MYO3A: variants seen among roughly 807,000 people sequenced by gnomAD.
MYO3A encodes myosin IIIA.
Under a neutral mutation model 192.7 loss-of-function variants are expected in MYO3A, and 180 were observed. The observed-to-expected ratio is 0.93, with a 90% CI of 0.83 to 1.06. MYO3A has a LOEUF of 1.06. Ranked by LOEUF, MYO3A falls within the 50% of genes least tolerant of loss-of-function variation. The pLI, the probability that MYO3A is intolerant of heterozygous loss-of-function variation, is 0.00. For synonymous variants in MYO3A, 628 were observed against 645.3 expected (o/e 0.97, Z 0.41); for missense variants, 1,896 against 1,905.0 (o/e 1.00, Z 0.09).
chr10:26,140,097 T>A (rs1840063781), intron 20 of MYO3A, among the ~76,000 whole-genome samples: 1 of 152,038 alleles, frequency 6.6e-6, no homozygotes, highest in Admixed American at 6.5e-5. Flanking sequence ...TCTGAGGAGG[T>A]GAGACCTGAA....
At chr10:26,107,272 G>A (rs569763753) in intron 17 of MYO3A, among the ~76,000 whole-genome samples, 1 of 152,058 alleles carries the variant, frequency 6.6e-6, no homozygotes, top group Non-Finnish European at 1.5e-5. Context: ...ACGAGGTCAG[G>A]AGATCAAGAC....
At position 26,103,471 on chromosome 10, in the gene MYO3A, G is replaced by A. The variant is rs112219265; in HGVS notation, c.1776+6789G>A. Reference sequence around the variant, plus strand: ...CACCCATCTTCTTGTTGCTCACGCTGGGAGCTGTAGACTGGAGCTGTTCCT... The same window carrying A: ...CACCCATCTTCTTGTTGCTCACGCTAGGAGCTGTAGACTGGAGCTGTTCCT... On this transcript the variant is annotated intron_variant, in intron 17 of 34. Transcript: ENST00000642920. Among the ~76,000 whole-genome samples, 56 of 152,340 alleles carry A rather than the reference G, an allele frequency of 3.7e-4. 1 individual carries two copies. Among genetic ancestry groups the A allele is most frequent in the Admixed American group, 5.2e-4 (8 of 15,306 alleles).
At chr10:25,955,310 G>C (rs1837473613) in intron 4 of MYO3A, among the ~76,000 whole-genome samples, 1 of 152,100 alleles carries the variant, frequency 6.6e-6, no homozygotes, top group South Asian at 2.1e-4. Context: ...TTATTCATCT[G>C]TATTTTGTTT....
chr10:26,160,493 T>A (rs1426908566), intron 26 of MYO3A, among the ~76,000 whole-genome samples: 3 of 151,924 alleles, frequency 2.0e-5, no homozygotes, highest in African/African-American at 4.8e-5. Context: ...CAATTTTTTT[T>A]AATTAGCTGG....
intron 2 of MYO3A, among the ~76,000 whole-genome samples, chr10:25,944,634 G>A (rs1836719326): frequency 6.6e-6 from 1 of 151,918 alleles, no homozygotes; most frequent in African/African-American, 2.4e-5. Context: ...CAGTCTTGGT[G>A]AATTGTGTGT....
chr10:26,205,416 C>CCAGT lies in MYO3A; in HGVS notation c.4730+2310_4730+2313dup, dbSNP rs368328116. ...CTGATCTCTCTCCCCAGTCCCGTGA[C>CCAGT]CAGTGCCCTGGTAACTACTATTCTA... On this transcript the variant is annotated intron_variant, in intron 34 of 34. Transcript: ENST00000642920. Among the ~76,000 whole-genome samples the CCAGT allele has an allele frequency of 5.7e-4, 86 of 149,582 alleles. 2 individuals carry two copies. Among genetic ancestry groups the CCAGT allele is most frequent in the African/African-American group, 2.1e-3 (86 of 40,170 alleles).
chr10:25,991,087 C>G (rs145721879), intron 4 of MYO3A, among the ~76,000 whole-genome samples: 7,024 of 152,286 alleles, frequency 0.046, 185 homozygotes, highest in Non-Finnish European at 0.065. Context: ...GGAATCACCA[C>G]ACTATCTTCC....
intron 31 of MYO3A, among the ~76,000 whole-genome samples, chr10:26,189,625 A>C (rs1843030791): frequency 6.6e-6 from 1 of 152,236 alleles, no homozygotes; most frequent in African/African-American, 2.4e-5. Flanking sequence ...GAGAAAGTCC[A>C]TTTGGGGGGA....
At position 26,168,712 on chromosome 10, in the gene MYO3A, G is replaced by T. The variant is rs137900700; in HGVS notation, c.3112G>T (p.Val1038Leu). 3.2e-5 allele frequency: 52 copies of T among 1,611,982 alleles called. No homozygotes were observed. The African/African-American group carries it at 5.9e-4, about 18-fold the overall frequency. ...LDNWALGKTK[V>L]FLKYYHVEQL... ...TTTGTATTATATTTTAATTTTTCAG[G>T]TGTTCCTTAAGTATTATCACGTGGA... Residue 1038 changes from valine (V) to leucine (L), a missense_variant and splice_region_variant, in exon 28 of 35, where the codon GTG becomes TTG. Transcript: ENST00000642920.
intron 29 of MYO3A, among the ~76,000 whole-genome samples, chr10:26,172,121 G>A (rs939646023): frequency 6.6e-6 from 1 of 152,236 alleles, no homozygotes; most frequent in Non-Finnish European, 1.5e-5. Context: ...AGGGAAGCTT[G>A]TAGAGAGGAA....
At chr10:26,020,155 G>A (rs1842227698) in intron 7 of MYO3A, among the ~76,000 whole-genome samples, 1 of 152,078 alleles carries the variant, frequency 6.6e-6, no homozygotes, top group East Asian at 1.9e-4. Flanking sequence ...CCATAAACTC[G>A]CCATCCACGC....
chr10:26,037,815 AG>A, intron 10 of MYO3A, among the ~76,000 whole-genome samples: 1 of 106,216 alleles, frequency 9.4e-6, no homozygotes, highest in Non-Finnish European at 2.3e-5. Context: ...GTCAGGAGTG[AG>A]AGAGTCAAGG....
intron 4 of MYO3A, among the ~76,000 whole-genome samples, chr10:25,958,746 T>C (rs1481165462): frequency 1.3e-5 from 2 of 152,210 alleles, no homozygotes; most frequent in African/African-American, 4.8e-5. Context: ...TTTCCATTTG[T>C]TTGTCATATG....
At chr10:26,052,162 G>A (rs1588865552) in intron 10 of MYO3A, among the ~76,000 whole-genome samples, 1 of 152,286 alleles carries the variant, frequency 6.6e-6, no homozygotes, top group East Asian at 1.9e-4. Context: ...AATTAAGGGT[G>A]TGGGTACACA....
At chr10:25,944,219 G>A (rs1201944140) in intron 2 of MYO3A, among the ~76,000 whole-genome samples, 4 of 151,812 alleles carry the variant, frequency 2.6e-5, no homozygotes, top group Admixed American at 2.6e-4. Flanking sequence ...TTCATATGTT[G>A]AATCATTTTT....
chr10:26,006,768 C>T (rs1841242677), intron 6 of MYO3A, among the ~76,000 whole-genome samples: 2 of 151,250 alleles, frequency 1.3e-5, no homozygotes, highest in East Asian at 3.9e-4. Flanking sequence ...GAGTCCAGGA[C>T]CAGATGGATT....
intron 14 of MYO3A, among the ~76,000 whole-genome samples, chr10:26,074,806 T>G (rs1835430969): frequency 6.6e-6 from 1 of 151,930 alleles, no homozygotes; most frequent in Non-Finnish European, 1.5e-5. Context: ...ATCCAAAAAA[T>G]CATTGCCAAT....
At chr10:26,116,751 T>G (rs960957055) in intron 17 of MYO3A, among the ~76,000 whole-genome samples, 1 of 152,160 alleles carries the variant, frequency 6.6e-6, no homozygotes, top group Non-Finnish European at 1.5e-5. Context: ...CTATTTACAT[T>G]TGGAGTGAGA....
At chr10:25,967,115 G>T (rs1838312011) in intron 4 of MYO3A, among the ~76,000 whole-genome samples, 1 of 152,156 alleles carries the variant, frequency 6.6e-6, no homozygotes, top group South Asian at 2.1e-4. Flanking sequence ...AGGAAGTTAT[G>T]CAGAAAAAAG....
Sources: allele counts gnomAD v4.1 joint callset (sites outside exome capture counted in the v4.1 genomes callset), GRCh38; gene constraint gnomAD v4.1.1; transcripts MANE v1.5; gene names NCBI Gene and HGNC (gene_info 2026-07-23, HGNC 2026-07-21).